The following GLIS3 variants were observed in gnomAD, a reference collection of about 807,000 sequenced individuals.
GLIS3 encodes GLIS family zinc finger 3, also known as zinc finger protein GLIS3.
Under a neutral mutation model 78.6 loss-of-function variants are expected in GLIS3, and 53 were observed. That is an observed-to-expected ratio of 0.67 (90% confidence interval 0.54 to 0.85). The LOEUF (loss-of-function observed/expected upper bound fraction) is 0.85, where lower values mean the gene tolerates loss of function less well. Ranked by LOEUF, GLIS3 falls within the 40% of genes least tolerant of loss-of-function variation. The pLI is 0.00. For synonymous variants in GLIS3, 684 were observed against 509.9 expected, an observed-to-expected ratio of 1.34 and a Z score of -4.60; for missense variants, 1,703 against 1,231.1, an observed-to-expected ratio of 1.38 and a Z score of -5.74.
intron 7 of GLIS3, among the ~76,000 whole-genome samples, chr9:3,883,658 G>A (rs372535549): frequency 6.4e-4 from 98 of 152,246 alleles, no homozygotes; most frequent in African/African-American, 2.2e-3. Context: ...CAAATCAGCC[G>A]ACACACACAG....
At chr9:4,240,276 A>G (rs1244668345) in intron 2 of GLIS3, among the ~76,000 whole-genome samples, 1 of 152,070 alleles carries the variant, frequency 6.6e-6, no homozygotes. Flanking sequence ...AGGAACGCAC[A>G]ACCTAGATCC....
At chr9:4,117,696 A>G (rs1457390642) in intron 4 of GLIS3, 72 bp downstream of exon 4, 5 of 1,574,204 alleles carry the variant, frequency 3.2e-6, no homozygotes, top group Non-Finnish European at 4.4e-6. Flanking sequence ...GGGCCGAGTT[A>G]GGAAAAAACA....
At chr9:4,009,625 G>C (rs1021527982) in intron 4 of GLIS3, among the ~76,000 whole-genome samples, 1 of 152,204 alleles carries the variant, frequency 6.6e-6, no homozygotes, top group African/African-American at 2.4e-5. Flanking sequence ...CCAAGACTCT[G>C]TGTTACGTTT....
intron 2 of GLIS3, among the ~76,000 whole-genome samples, chr9:4,229,047 G>T (rs1169796582): frequency 6.6e-6 from 1 of 152,170 alleles, no homozygotes; most frequent in Non-Finnish European, 1.5e-5. Context: ...TATGGATGGG[G>T]AATGAGCTCC....
rs556800743 is a variant in GLIS3, at chr9:4,173,933, C to T, written c.389-47992G>A. On this transcript the variant is annotated intron_variant, in intron 2 of 10. Coordinates refer to ENST00000381971, the MANE Select transcript of GLIS3 (RefSeq NM_001042413.2). ...GTTAAAACACACACACACACACACACGCACGCACGCACACACGCATTTCTA... is the reference window on the plus strand; with the variant it reads ...GTTAAAACACACACACACACACACATGCACGCACGCACACACGCATTTCTA... Among the ~76,000 whole-genome samples, 18 of 85,740 alleles carry T rather than the reference C, an allele frequency of 2.1e-4. No individual in the cohort carries two copies. The East Asian group carries it at 7.8e-3, about 37-fold the overall frequency. 56.2% of individuals were successfully genotyped at this position (85,740 alleles called of 152,430 possible). A position where few individuals can be genotyped will look rare whatever the true frequency, so the allele number is the denominator to read the frequency against.
At chr9:4,187,673 G>A (rs1817936145) in intron 2 of GLIS3, among the ~76,000 whole-genome samples, 2 of 152,106 alleles carry the variant, frequency 1.3e-5, no homozygotes, top group Admixed American at 1.3e-4. Context: ...TTATTTCACT[G>A]AGCAGTGGTT....
At chr9:4,357,106 A>C in the GLIS3 span, among the ~76,000 whole-genome samples, 1 of 152,246 alleles carries the variant, frequency 6.6e-6, no homozygotes, top group Non-Finnish European at 1.5e-5. Flanking sequence ...GTTGCATTTA[A>C]AAATGAGTGG....
the GLIS3 span, among the ~76,000 whole-genome samples, chr9:4,392,239 G>T: frequency 2.6e-5 from 4 of 151,520 alleles, no homozygotes; most frequent in South Asian, 2.1e-4. Context: ...AGGGCCTGTC[G>T]TGGGGCGGGG....
intron 9 of GLIS3, among the ~76,000 whole-genome samples, chr9:3,829,916 C>CT (rs1817949891): frequency 6.6e-6 from 1 of 152,154 alleles, no homozygotes; most frequent in South Asian, 2.1e-4. Flanking sequence ...GCAGAATGCT[C>CT]TTAAAAAGGC....
intron 2 of GLIS3, among the ~76,000 whole-genome samples, chr9:4,331,518 T>A (rs1210864555): frequency 6.6e-6 from 1 of 152,186 alleles, no homozygotes; most frequent in Non-Finnish European, 1.5e-5. Flanking sequence ...CAACAGCTCA[T>A]GACACTGATT....
intron 2 of GLIS3, among the ~76,000 whole-genome samples, chr9:4,263,746 C>T (rs372906245): frequency 2.0e-5 from 3 of 152,298 alleles, no homozygotes; most frequent in African/African-American, 7.2e-5. Context: ...TCTGACGTCT[C>T]AGCAACATCT....
intron 2 of GLIS3, among the ~76,000 whole-genome samples, chr9:4,205,821 T>C (rs183763091): frequency 1.6e-4 from 25 of 152,350 alleles, no homozygotes; most frequent in Admixed American, 1.5e-3. Context: ...GTGACCTCAA[T>C]GAAAGCAGTT....
At chr9:3,950,801 G>C (rs1288063660) in intron 4 of GLIS3, among the ~76,000 whole-genome samples, 1 of 152,196 alleles carries the variant, frequency 6.6e-6, no homozygotes, top group Non-Finnish European at 1.5e-5. Flanking sequence ...TAACGGACAA[G>C]TGACTTGTTA....
At chr9:4,358,056 G>T in the GLIS3 span, among the ~76,000 whole-genome samples, 4 of 152,154 alleles carry the variant, frequency 2.6e-5, no homozygotes, top group African/African-American at 7.2e-5. Flanking sequence ...CCCAAGATGA[G>T]AAAAGCAAGG....
chr9:4,454,455 T>C, the GLIS3 span, among the ~76,000 whole-genome samples: 7 of 152,228 alleles, frequency 4.6e-5, no homozygotes, highest in Non-Finnish European at 7.3e-5. Flanking sequence ...AAAGGTTATA[T>C]ATGTCTTATC....
chr9:4,274,127 G>A (rs1290962552), intron 2 of GLIS3, among the ~76,000 whole-genome samples: 1 of 152,272 alleles, frequency 6.6e-6, no homozygotes, highest in South Asian at 2.1e-4. Context: ...CTGGTGGCTT[G>A]AAAAGGTCAC....
intron 4 of GLIS3, among the ~76,000 whole-genome samples, chr9:4,065,761 T>C (rs946192661): frequency 9.2e-5 from 14 of 152,186 alleles, no homozygotes; most frequent in African/African-American, 3.1e-4. Flanking sequence ...GGCTACACTT[T>C]TATGGATGTA....
upstream of GLIS3, among the ~76,000 whole-genome samples, chr9:4,300,786 C>T (rs4741940): frequency 0.78 from 117,928 of 151,618 alleles, 48,851 homozygotes; most frequent in South Asian, 0.94. Flanking sequence ...AAAGTCTGCT[C>T]CTAGTAGTTC....
At chr9:4,194,895 C>T (rs1818667019) in intron 2 of GLIS3, among the ~76,000 whole-genome samples, 1 of 152,218 alleles carries the variant, frequency 6.6e-6, no homozygotes, top group African/African-American at 2.4e-5. Flanking sequence ...AGACCCAGGA[C>T]CAAGAGCAGG....
Sources: gnomAD v4.1 joint callset for allele counts (sites outside exome capture counted in the v4.1 genomes callset) on GRCh38, gnomAD v4.1.1 for gene constraint, MANE v1.5 for transcripts, NCBI Gene and HGNC (gene_info 2026-07-23, HGNC 2026-07-21) for gene names.